Variants in ZNF716 observed in about 807,000 individuals in gnomAD.
The protein encoded by ZNF716 is zinc finger protein 716.
ZNF716 carries 9 observed loss-of-function variants against 13.4 expected under a neutral mutation model. The ratio of observed to expected loss-of-function variants is 0.67; its 90% CI spans 0.41 to 1.18. ZNF716 has a LOEUF of 1.18. Ranked by LOEUF, ZNF716 falls within the 50% of genes most tolerant of loss-of-function variation. ZNF716 has a pLI of 0.01. For synonymous variants in ZNF716, 186 were observed against 195.2 expected (o/e 0.95, Z 0.39); for missense variants, 581 against 576.6 (o/e 1.01, Z -0.08).
chr7:57,457,248 G>T (rs2116408474), intron 1 of ZNF716, among the ~76,000 whole-genome samples: 1 of 152,296 alleles, frequency 6.6e-6, no homozygotes, highest in Admixed American at 6.5e-5. Context: ...ATGGACACAG[G>T]ACTAAATCAG....
chr7:57,458,408 CTTTTTTTTTCTTTCTTTTCT>C (rs1271516764), intron 1 of ZNF716, among the ~76,000 whole-genome samples: 1 of 151,204 alleles, frequency 6.6e-6, no homozygotes, highest in African/African-American at 2.4e-5. Flanking sequence ...TTTTGTTGAA[CTTTTTTTTTCTTTCTTTTCT>C]TTTTTTTTTC....
intron 1 of ZNF716, among the ~76,000 whole-genome samples, chr7:57,452,314 G>T (rs1429401080): frequency 6.6e-6 from 1 of 151,304 alleles, no homozygotes; most frequent in Non-Finnish European, 1.5e-5. Context: ...GGGAAAAAAA[G>T]TTCCCATTTG....
rs781953250 is a variant in ZNF716 at position 57,468,978 on chromosome 7, A to C, written c.517A>C (p.Asn173His). 1.9e-6 allele frequency: 3 copies of C among 1,608,268 alleles called. No individual in the cohort carries two copies. Among genetic ancestry groups the C allele is most frequent in the South Asian group, 2.2e-5 (2 of 90,718 alleles). Residue 173 changes from asparagine to histidine, a missense_variant, in exon 4 of 4, where the codon AAT becomes CAT. Physicochemically the swap from Asn to His is moderately conservative, Grantham distance 68. Transcript: ENST00000420713. ...VKVFGKFSNSNRHKTRHTGKK... is the reference protein window; with the variant it reads ...VKVFGKFSNSHRHKTRHTGKK... Reference sequence around the variant, plus strand: ...AGTCTTTGGTAAATTTTCAAATTCCAATAGACACAAGACAAGACATACTGG... The same window carrying C: ...AGTCTTTGGTAAATTTTCAAATTCCCATAGACACAAGACAAGACATACTGG...
At chr7:57,463,796 G>A (rs1336655515) in intron 3 of ZNF716, among the ~76,000 whole-genome samples, 3 of 151,850 alleles carry the variant, frequency 2.0e-5, no homozygotes, top group African/African-American at 4.8e-5. Flanking sequence ...ATTCATAAAT[G>A]GAATTGTTTA....
Position 57,469,876 on chromosome 7 carries a change from CTT to C in ZNF716, c.1418_1419del (p.Phe473Ter). 1 of 1,597,690 alleles carries C rather than the reference CTT, an allele frequency of 6.3e-7. No individual in the cohort carries two copies. Among genetic ancestry groups the C allele is most frequent in the Non-Finnish European group, 8.5e-7 (1 of 1,171,244 alleles). On this transcript the variant is annotated frameshift_variant, in exon 4 of 4. Transcript: ENST00000420713. LOFTEE classifies it low-confidence loss of function (END_TRUNC). The stretch of plus-strand genomic sequence containing the variant: ...TACAAATGTGAAGAATGTGACCAAA[CTT>C]TTAAGTGGCATTCAAGTCTTGCTAA...
Position 57,473,205 on chromosome 7 carries a change from T to C in ZNF716, c.*3256T>C, listed in dbSNP as rs1291418906. ...CAAAAACAGACTTTTAGTTTCAATT[T>C]ACATAGAGTTACATATACAAATATA... On this transcript the variant is annotated 3_prime_UTR_variant, in exon 4 of 4. Coordinates refer to ENST00000420713, the MANE Select transcript of ZNF716 (RefSeq NM_001159279.1). The C allele has an allele frequency of 6.6e-6, 1 of 152,166 alleles. No individual in the cohort carries two copies. The highest frequency in any genetic ancestry group is 1.5e-5 in the Non-Finnish European group (1 of 68,022). 9.4% of individuals were successfully genotyped at this position (152,166 alleles called of 1,614,324 possible). A position where few individuals can be genotyped will look rare whatever the true frequency, so the allele number is the denominator to read the frequency against.
intron 1 of ZNF716, among the ~76,000 whole-genome samples, chr7:57,461,701 C>G (rs782166790): frequency 2.6e-5 from 4 of 152,154 alleles, no homozygotes; most frequent in Admixed American, 1.3e-4. Flanking sequence ...GCTAGAAATT[C>G]AGAAACTCAG....
At chr7:57,454,567 G>A (rs1282853784) in intron 1 of ZNF716, among the ~76,000 whole-genome samples, 9 of 152,190 alleles carry the variant, frequency 5.9e-5, no homozygotes, top group Non-Finnish European at 1.3e-4. Context: ...CCTTTATACT[G>A]AGATAAGCAA....
At chr7:57,451,606 C>A (rs1319707431) in intron 1 of ZNF716, among the ~76,000 whole-genome samples, 1 of 151,518 alleles carries the variant, frequency 6.6e-6, no homozygotes, top group Non-Finnish European at 1.5e-5. Context: ...CGCCACCATG[C>A]CTGGCTAATT....
rs1287534745 is a variant in ZNF716, at chr7:57,469,787, G to A, written c.1326G>A (p.Gly442=). Residue 442 remains glycine (G), a synonymous_variant, in exon 4 of 4, where the codon GGG becomes GGA. Transcript: ENST00000420713. ...GEKLYKCKEC[G]KAFTFSSTLN... is the part of the protein sequence containing the mutation. ...AACTCTACAAATGTAAAGAATGTGG[G>A]AAAGCCTTTACCTTCTCCTCAACTC... 5 of 1,606,660 alleles carry A rather than the reference G, an allele frequency of 3.1e-6. No individual in the cohort carries two copies. The highest frequency in any genetic ancestry group is 3.4e-5 in the Admixed American group (2 of 58,528).
chr7:57,451,601 C>T (rs1554321565), intron 1 of ZNF716, among the ~76,000 whole-genome samples: 1 of 151,602 alleles, frequency 6.6e-6, no homozygotes, highest in African/African-American at 2.4e-5. Context: ...GCACCCGCCA[C>T]CATGCCTGGC....
chr7:57,469,756 G>A lies in ZNF716; in HGVS notation c.1295G>A (p.Gly432Glu). The A allele has an allele frequency of 6.2e-7, 1 of 1,611,198 alleles. No homozygotes were observed. Among genetic ancestry groups the A allele is most frequent in the Non-Finnish European group, 8.5e-7 (1 of 1,178,754 alleles). ...TLKKHKIIHT[G>E]EKLYKCKECG... is the part of the protein sequence containing the mutation. ...AAGAAACATAAGATAATTCATACTGGAGAGAAACTCTACAAATGTAAAGAA... is the reference window on the plus strand; with the variant it reads ...AAGAAACATAAGATAATTCATACTGAAGAGAAACTCTACAAATGTAAAGAA... Residue 432 changes from glycine to glutamate, a missense_variant, in exon 4 of 4, where the codon GGA (glycine) becomes GAA (glutamate). Coordinates refer to ENST00000420713, the MANE Select transcript of ZNF716 (RefSeq NM_001159279.1).
chr7:57,459,592 G>A (rs1309095338), intron 1 of ZNF716, among the ~76,000 whole-genome samples: 5 of 152,132 alleles, frequency 3.3e-5, no homozygotes, highest in Non-Finnish European at 5.9e-5. Context: ...TTTGGATCCC[G>A]CAGAATCACA....
chr7:57,450,349 G>C (rs781798038), intron 1 of ZNF716, 22 bp downstream of exon 1: 56 of 1,568,888 alleles, frequency 3.6e-5, no homozygotes, highest in South Asian at 2.7e-4. Flanking sequence ...GTCTGTCACC[G>C]TGAGAGAGGG....
rs1789977797 is a variant in ZNF716 at position 57,473,188 on chromosome 7, G to A, written c.*3239G>A. ...GCATCTCTGCTGACAAACAAAAACA[G>A]ACTTTTAGTTTCAATTTACATAGAG... is the stretch of plus-strand genomic sequence containing the variant. On this transcript the variant is annotated 3_prime_UTR_variant, in exon 4 of 4. Transcript: ENST00000420713. The A allele has an allele frequency of 6.6e-6, 1 of 152,034 alleles. No homozygotes were observed. The highest frequency in any genetic ancestry group is 2.1e-4 in the South Asian group (1 of 4,812). The allele number at this position is 152,034 out of a possible 1,614,324, so 9.4% of individuals were successfully genotyped here. A position where few individuals can be genotyped will look rare whatever the true frequency, so the allele number is the denominator to read the frequency against.
intron 1 of ZNF716, among the ~76,000 whole-genome samples, chr7:57,460,916 A>G (rs10256965): frequency 0.38 from 58,180 of 151,722 alleles, 11,338 homozygotes; most frequent in East Asian, 0.51. Flanking sequence ...TTACTATTAA[A>G]AATTACAGGC....
chr7:57,463,752 C>T (rs1164442423), intron 3 of ZNF716, among the ~76,000 whole-genome samples: 1 of 151,810 alleles, frequency 6.6e-6, no homozygotes, highest in African/African-American at 2.4e-5. Context: ...CCTCTTATGT[C>T]TTCATGTTAC....
In ZNF716 at chr7:57,450,335, C is replaced by G; in HGVS notation, c.39+8C>G. On this transcript the variant is annotated splice_region_variant and intron_variant, in intron 1 of 3. Coordinates refer to ENST00000420713, the MANE Select transcript of ZNF716 (RefSeq NM_001159279.1). ...CCTGGAAGCCGAGAAATGGTGAGTGCTGGGTCTGTCACCGTGAGAGAGGGG... is the reference window on the plus strand; with the variant it reads ...CCTGGAAGCCGAGAAATGGTGAGTGGTGGGTCTGTCACCGTGAGAGAGGGG... 6.2e-7 allele frequency: 1 copy of G among 1,613,506 alleles called. No homozygotes were observed. Among genetic ancestry groups the G allele is most frequent in the Non-Finnish European group, 8.5e-7 (1 of 1,179,942 alleles).
chr7:57,465,292 T>C (rs1373311111), intron 3 of ZNF716, among the ~76,000 whole-genome samples: 2 of 152,186 alleles, frequency 1.3e-5, no homozygotes, highest in Non-Finnish European at 2.9e-5. Context: ...TTGCCAGTTA[T>C]ACTTTTTTTC....
Sources: allele counts gnomAD v4.1 joint callset (sites outside exome capture counted in the v4.1 genomes callset), GRCh38; gene constraint gnomAD v4.1.1; transcripts MANE v1.5; gene names NCBI Gene and HGNC (gene_info 2026-07-23, HGNC 2026-07-21).